The following KANK1 variants were observed in gnomAD, a reference collection of about 807,000 sequenced individuals.
KANK1 encodes KN motif and ankyrin repeat domain-containing protein 1.
KANK1 carries 109 observed loss-of-function variants against 106.2 expected under a neutral mutation model. The observed-to-expected ratio is 1.03, with a 90% CI of 0.88 to 1.20. KANK1 has a LOEUF of 1.20. Ranked by LOEUF, KANK1 falls within the 50% of genes most tolerant of loss-of-function variation. The pLI, the probability that KANK1 is intolerant of heterozygous loss-of-function variation, is 0.00. For synonymous variants in KANK1, 873 were observed against 652.2 expected, an observed-to-expected ratio of 1.34 and a Z score of -5.16; for missense variants, 2,399 against 1,710.7, an observed-to-expected ratio of 1.40 and a Z score of -7.10.
intron 1 of KANK1, among the ~76,000 whole-genome samples, chr9:568,718 C>G (rs898739511): frequency 3.3e-5 from 5 of 152,144 alleles, no homozygotes; most frequent in Non-Finnish European, 5.9e-5. Flanking sequence ...ATCTCGAACT[C>G]CTGGCCTCCC....
intron 2 of KANK1, chr9:684,612 C>T (rs753652806): frequency 5.1e-6 from 5 of 983,648 alleles, no homozygotes; most frequent in Non-Finnish European, 6.0e-6. Context: ...TGCACTTCCC[C>T]TCTTTCTTGA....
At chr9:734,679 G>C (rs10429625) in intron 6 of KANK1, 69 bp from the exon 7 acceptor site, 2 of 1,168,354 alleles carry the variant, frequency 1.7e-6, no homozygotes, top group Non-Finnish European at 2.5e-6. Context: ...AAAAAAATTA[G>C]ATATTTGGGT....
chr9:633,730 G>A (rs1415228188), intron 1 of KANK1, among the ~76,000 whole-genome samples: 1 of 152,090 alleles, frequency 6.6e-6, no homozygotes, highest in Non-Finnish European at 1.5e-5. Flanking sequence ...ATAGCTCATT[G>A]CAGCCCTGAA....
intron 1 of KANK1, among the ~76,000 whole-genome samples, chr9:572,988 C>T (rs1331594176): frequency 3.3e-5 from 5 of 152,066 alleles, no homozygotes; most frequent in Admixed American, 2.0e-4. Context: ...TGAGGTTTAA[C>T]CAAAAGTTCT....
At chr9:607,149 G>C (rs996482545) in intron 1 of KANK1, among the ~76,000 whole-genome samples, 3 of 151,850 alleles carry the variant, frequency 2.0e-5, no homozygotes, top group Admixed American at 6.5e-5. Flanking sequence ...AGGTCATTCA[G>C]AGTGGCACTA....
intron 1 of KANK1, among the ~76,000 whole-genome samples, chr9:641,344 A>T (rs1838387024): frequency 6.6e-6 from 1 of 152,240 alleles, no homozygotes; most frequent in African/African-American, 2.4e-5. Flanking sequence ...GAGTTAGAAG[A>T]ATCCTCCTTA....
At chr9:548,342 G>C (rs1231513413) in intron 1 of KANK1, among the ~76,000 whole-genome samples, 1 of 152,158 alleles carries the variant, frequency 6.6e-6, no homozygotes, top group Non-Finnish European at 1.5e-5. Flanking sequence ...TAACTCAGGA[G>C]GGCTTCCTGA....
chr9:697,594 T>A lies in KANK1; in HGVS notation c.38-13210T>A, dbSNP rs553244745. Among the ~76,000 whole-genome samples the A allele has an allele frequency of 5.9e-5, 9 of 152,290 alleles. No homozygotes were observed. In the East Asian group the frequency reaches 1.5e-3, roughly 26 times the overall value. Reference sequence around the variant, plus strand: ...CCTTAGCTAGTGATTCCTACCTGAATCCGCCACTGTTCTAATAATTGGTCC... The same window carrying A: ...CCTTAGCTAGTGATTCCTACCTGAAACCGCCACTGTTCTAATAATTGGTCC... On this transcript the variant is annotated intron_variant, in intron 2 of 11. Coordinates refer to ENST00000382297, the MANE Select transcript of KANK1 (RefSeq NM_015158.5).
chr9:472,024 A>G (rs373589836), intron 2 of KANK1, among the ~76,000 whole-genome samples: 177 of 152,284 alleles, frequency 1.2e-3, no homozygotes, highest in African/African-American at 3.9e-3. Context: ...GTGACTGACA[A>G]AAAAGAGCCC....
At chr9:533,276 T>C (rs1366828711) in intron 1 of KANK1, among the ~76,000 whole-genome samples, 5 of 152,220 alleles carry the variant, frequency 3.3e-5, no homozygotes, top group African/African-American at 7.2e-5. Context: ...ATCGTAGATA[T>C]TAAGCCTAGG....
rs565671469 is a variant in KANK1, at chr9:597,418, G to A, written c.-83-79472G>A. On this transcript the variant is annotated intron_variant, in intron 1 of 11. Coordinates refer to ENST00000382297, the MANE Select transcript of KANK1 (RefSeq NM_015158.5). ...TTATAGTCGTCCTTGTGGGTATAAA[G>A]TAGTATTTTATTATGGTTTTGATTT... 2.0e-4 allele frequency among the ~76,000 whole-genome samples: 31 copies of A among 151,778 alleles called. 2 individuals carry two copies. Among genetic ancestry groups the A allele is most frequent in the African/African-American group, 7.0e-4 (29 of 41,194 alleles).
intron 7 of KANK1, among the ~76,000 whole-genome samples, chr9:737,977 C>G (rs1031211783): frequency 6.6e-6 from 1 of 152,122 alleles, no homozygotes; most frequent in Non-Finnish European, 1.5e-5. Context: ...AATAACTTCC[C>G]TCGGGTCATA....
intron 1 of KANK1, among the ~76,000 whole-genome samples, chr9:517,637 T>TG (rs2059345368): frequency 1.3e-5 from 2 of 150,792 alleles, no homozygotes; most frequent in South Asian, 4.2e-4. Context: ...TGAGAAAGAG[T>TG]GGGGATAATA....
At chr9:633,326 C>G (rs1033142048) in intron 1 of KANK1, among the ~76,000 whole-genome samples, 5 of 151,954 alleles carry the variant, frequency 3.3e-5, no homozygotes, top group Non-Finnish European at 7.4e-5. Context: ...GGCGTGGTGG[C>G]GGGCGCCTGT....
chr9:676,931 C>G lies in KANK1; in HGVS notation c.-42C>G, dbSNP rs370632734. ...AACTTGATGCATAAAATTTGCATGACTCCTCACTCCTTTCTGGATCTCTCA... is the reference window on the plus strand; with the variant it reads ...AACTTGATGCATAAAATTTGCATGAGTCCTCACTCCTTTCTGGATCTCTCA... On this transcript the variant is annotated 5_prime_UTR_variant, in exon 2 of 12. Transcript: ENST00000382297. 4.4e-6 allele frequency: 7 copies of G among 1,582,476 alleles called. No individual in the cohort carries two copies. Among genetic ancestry groups the G allele is most frequent in the South Asian group, 2.3e-5 (2 of 88,848 alleles).
intron 1 of KANK1, among the ~76,000 whole-genome samples, chr9:625,189 G>T (rs1834061442): frequency 6.6e-6 from 1 of 152,172 alleles, no homozygotes; most frequent in African/African-American, 2.4e-5. Context: ...TTTCCTCATG[G>T]AGGAAAAGAC....
At chr9:503,161 G>A (rs1587288781), upstream of KANK1, among the ~76,000 whole-genome samples, 1 of 152,020 alleles carries the variant, frequency 6.6e-6, no homozygotes, top group African/African-American at 2.4e-5. Flanking sequence ...TAAAATGCAG[G>A]AGTCTTCCTG....
chr9:587,151 G>A (rs1045626965), intron 1 of KANK1, among the ~76,000 whole-genome samples: 4 of 152,016 alleles, frequency 2.6e-5, no homozygotes, highest in African/African-American at 7.2e-5. Flanking sequence ...ATAACATATC[G>A]TTTTTTTCTT....
At chr9:486,047 T>G (rs1474529116) in intron 3 of KANK1, among the ~76,000 whole-genome samples, 1 of 152,132 alleles carries the variant, frequency 6.6e-6, no homozygotes, top group Non-Finnish European at 1.5e-5. Context: ...ACTTGTGTTT[T>G]CCATCTCTTG....
Sources: allele counts gnomAD v4.1 joint callset (sites outside exome capture counted in the v4.1 genomes callset), GRCh38; gene constraint gnomAD v4.1.1; transcripts MANE v1.5; gene names NCBI Gene and HGNC (gene_info 2026-07-23, HGNC 2026-07-21).